Variants in CSMD1 observed in about 807,000 individuals in gnomAD.
CSMD1 encodes the protein CUB and sushi domain-containing protein 1.
CSMD1 carries 213 observed loss-of-function variants against 417.5 expected under a neutral mutation model. The observed-to-expected ratio is 0.51, with a 90% CI of 0.46 to 0.57. The LOEUF (loss-of-function observed/expected upper bound fraction) is 0.57. Among genes scored for constraint, CSMD1 ranks in the 20% least tolerant of loss-of-function variants. The pLI is 0.00. For synonymous variants in CSMD1, 2,862 were observed against 1,736.8 expected, an observed-to-expected ratio of 1.65 and a Z score of -16.11; for missense variants, 6,923 against 4,529.7, an observed-to-expected ratio of 1.53 and a Z score of -15.17.
At position 3,385,088 on chromosome 8, in the gene CSMD1, T is replaced by C. The variant is rs868301500; in HGVS notation, c.2782+2406A>G. Among the ~76,000 whole-genome samples the C allele has an allele frequency of 7.7e-3, 767 of 99,306 alleles. 13 individuals are homozygous for C. The highest frequency in any genetic ancestry group is 0.032 in the African/African-American group (725 of 22,818). 65.1% of individuals were successfully genotyped at this position (99,306 alleles called of 152,430 possible). A position where few individuals can be genotyped will look rare whatever the true frequency, so the allele number is the denominator to read the frequency against. ...TATATAAATATATATATAATTTATATATAAAATATATATATAAATAAAAAT... is the reference window on the plus strand; with the variant it reads ...TATATAAATATATATATAATTTATACATAAAATATATATATAAATAAAAAT... On this transcript the variant is annotated intron_variant, in intron 18 of 69. Transcript: ENST00000635120.
chr8:3,110,783 A>G (rs920951324), intron 42 of CSMD1, among the ~76,000 whole-genome samples: 1 of 152,190 alleles, frequency 6.6e-6, no homozygotes, highest in Non-Finnish European at 1.5e-5. Context: ...GCCTTAAAAC[A>G]AAGACATTAT....
chr8:3,438,144 T>G (rs2117047755), intron 12 of CSMD1, among the ~76,000 whole-genome samples: 1 of 152,346 alleles, frequency 6.6e-6, no homozygotes, highest in Middle Eastern at 3.4e-3. Context: ...TGGTAAATAA[T>G]TACCATGGGG....
rs922088959 is a variant in CSMD1 at position 3,932,388 on chromosome 8, C to T, written c.818+65515G>A. On this transcript the variant is annotated intron_variant, in intron 5 of 69. Coordinates refer to ENST00000635120, the MANE Select transcript of CSMD1 (RefSeq NM_033225.6). ...ATAGGCACTTGGGTGTTTTGCTATG[C>T]CTGCAACATATGCCATCTGCATTGA... Among the ~76,000 whole-genome samples the T allele has an allele frequency of 5.8e-4, 87 of 150,414 alleles. 5 individuals are homozygous for T. The highest frequency in any genetic ancestry group is 2.0e-3 in the African/African-American group (81 of 40,778).
intron 3 of CSMD1, among the ~76,000 whole-genome samples, chr8:4,043,682 T>G (rs948192511): frequency 2.0e-5 from 3 of 152,206 alleles, no homozygotes; most frequent in African/African-American, 7.2e-5. Flanking sequence ...ATACATTTAT[T>G]TCAGTGTTCT....
At chr8:4,536,412 T>A (rs751023877) in intron 2 of CSMD1, among the ~76,000 whole-genome samples, 13 of 152,156 alleles carry the variant, frequency 8.5e-5, no homozygotes, top group Admixed American at 2.6e-4. Context: ...TATATATACA[T>A]ATAGGTATGG....
chr8:3,356,265 G>C (rs931172378), intron 21 of CSMD1, among the ~76,000 whole-genome samples: 6 of 152,192 alleles, frequency 3.9e-5, no homozygotes, highest in Non-Finnish European at 7.3e-5. Context: ...TCAAATTTTT[G>C]AGATGAAAAG....
chr8:3,169,187 C>G (rs1472469640), intron 37 of CSMD1, among the ~76,000 whole-genome samples: 1 of 152,126 alleles, frequency 6.6e-6, no homozygotes, highest in East Asian at 1.9e-4. Context: ...AATCATGCAT[C>G]TCAGTGAATT....
chr8:3,100,624 G>A (rs957488235), intron 46 of CSMD1, among the ~76,000 whole-genome samples: 2 of 152,204 alleles, frequency 1.3e-5, no homozygotes, highest in Admixed American at 1.3e-4. Flanking sequence ...GCCTCTCTCA[G>A]ACATCACCTG....
intron 1 of CSMD1, among the ~76,000 whole-genome samples, chr8:4,938,981 A>T (rs1255380275): frequency 1.3e-5 from 2 of 152,090 alleles, no homozygotes; most frequent in African/African-American, 4.8e-5. Context: ...CCATGTTTAA[A>T]TCAGGTTATT....
intron 2 of CSMD1, among the ~76,000 whole-genome samples, chr8:4,608,369 T>A (rs1800993631): frequency 6.6e-6 from 1 of 152,002 alleles, no homozygotes; most frequent in Admixed American, 6.6e-5. Flanking sequence ...GACCGGAACA[T>A]GGTGGAGTGG....
At chr8:4,669,581 T>C (rs1805164234) in intron 1 of CSMD1, among the ~76,000 whole-genome samples, 1 of 152,168 alleles carries the variant, frequency 6.6e-6, no homozygotes, top group African/African-American at 2.4e-5. Flanking sequence ...AGAGAAGCAC[T>C]CTGGAAGCAT....
At chr8:3,227,363 A>C (rs541202619) in intron 27 of CSMD1, among the ~76,000 whole-genome samples, 55 of 152,224 alleles carry the variant, frequency 3.6e-4, no homozygotes, top group African/African-American at 1.3e-3. Flanking sequence ...ATGCCCCTGC[A>C]CTCCAGCCTC....
chr8:3,332,095 A>G (rs970275254), intron 23 of CSMD1, among the ~76,000 whole-genome samples: 1 of 152,254 alleles, frequency 6.6e-6, no homozygotes, highest in African/African-American at 2.4e-5. Context: ...GACACATGAT[A>G]GATACGTAGG....
At chr8:4,018,580 G>A (rs1012125384) in intron 4 of CSMD1, among the ~76,000 whole-genome samples, 1 of 152,168 alleles carries the variant, frequency 6.6e-6, no homozygotes, top group Non-Finnish European at 1.5e-5. Context: ...GCCTCTCCAG[G>A]CAACCAGCAC....
At chr8:3,114,447 T>A (rs1485353027) in intron 42 of CSMD1, among the ~76,000 whole-genome samples, 5 of 149,454 alleles carry the variant, frequency 3.3e-5, no homozygotes, top group Admixed American at 2.7e-4. Flanking sequence ...AAATATGTTA[T>A]AATATATATA....
At chr8:4,200,905 C>T (rs1210979173) in intron 3 of CSMD1, among the ~76,000 whole-genome samples, 1 of 152,122 alleles carries the variant, frequency 6.6e-6, no homozygotes, top group Non-Finnish European at 1.5e-5. Flanking sequence ...AAACGCTAAG[C>T]TAGTTTAAAG....
At chr8:3,686,299 G>A (rs927260237) in intron 7 of CSMD1, among the ~76,000 whole-genome samples, 1 of 152,140 alleles carries the variant, frequency 6.6e-6, no homozygotes, top group African/African-American at 2.4e-5. Flanking sequence ...ACGTGTCATT[G>A]ACAGCTAACA....
intron 3 of CSMD1, among the ~76,000 whole-genome samples, chr8:4,113,639 C>A (rs1182886246): frequency 6.6e-6 from 1 of 152,046 alleles, no homozygotes; most frequent in Non-Finnish European, 1.5e-5. Flanking sequence ...CTCCTGACCT[C>A]CTGATCCACC....
At chr8:4,298,538 T>G (rs1259411179) in intron 3 of CSMD1, among the ~76,000 whole-genome samples, 1 of 152,182 alleles carries the variant, frequency 6.6e-6, no homozygotes, top group Non-Finnish European at 1.5e-5. Context: ...AATGTACACA[T>G]GTAGCAAAAT....
Sources: gnomAD v4.1 joint callset for allele counts (sites outside exome capture counted in the v4.1 genomes callset) on GRCh38, gnomAD v4.1.1 for gene constraint, MANE v1.5 for transcripts, NCBI Gene and HGNC (gene_info 2026-07-23, HGNC 2026-07-21) for gene names.